The following SGCZ variants were observed in gnomAD, a reference collection of about 807,000 sequenced individuals.
The protein encoded by SGCZ is zeta-sarcoglycan.
In SGCZ, 40 loss-of-function variants were observed where a neutral mutation model predicts 41.3. That is an observed-to-expected ratio of 0.97 (90% CI 0.75 to 1.26). The LOEUF (loss-of-function observed/expected upper bound fraction) is 1.26, where lower values mean the gene tolerates loss of function less well. Ranked by LOEUF, SGCZ falls within the 50% of genes most tolerant of loss-of-function variation. The probability of loss-of-function intolerance (pLI) is 0.00; values close to 1 mark genes in which losing one functional copy is unlikely to be tolerated. For synonymous variants in SGCZ, 206 were observed against 137.5 expected (o/e 1.50, Z -3.49); for missense variants, 552 against 369.8 (o/e 1.49, Z -4.04).
At chr8:14,294,863 C>T (rs907161068) in intron 3 of SGCZ, among the ~76,000 whole-genome samples, 1 of 152,024 alleles carries the variant, frequency 6.6e-6, no homozygotes, top group Non-Finnish European at 1.5e-5. Flanking sequence ...TGCACTGCCA[C>T]TAAGTGCCCT....
rs1563486516 is a variant in SGCZ, at chr8:15,073,988, G to A, written c.39+163597C>T. On this transcript the variant is annotated intron_variant, in intron 1 of 7. Transcript: ENST00000382080. ...AGTTTCTAGTTTAACTTTAAAGCAAGGATGATAATAGTCCCTTCCCAAAAC... is the reference window on the plus strand; with the variant it reads ...AGTTTCTAGTTTAACTTTAAAGCAAAGATGATAATAGTCCCTTCCCAAAAC... Among the ~76,000 whole-genome samples, 5 of 152,264 alleles carry A rather than the reference G, an allele frequency of 3.3e-5. No homozygotes were observed. In the East Asian group the frequency reaches 5.8e-4, roughly 18 times the overall value.
chr8:14,641,873 G>C (rs1007301942), intron 1 of SGCZ, among the ~76,000 whole-genome samples: 1 of 151,660 alleles, frequency 6.6e-6, no homozygotes, highest in African/African-American at 2.4e-5. Context: ...ATTCTTTGCA[G>C]TGGTAGGTAA....
Position 14,847,126 on chromosome 8 carries a change from AAAGAAGAAGAAGAAGAAG to A in SGCZ, c.40-292218_40-292201del, listed in dbSNP as rs61002020. 8.4e-3 allele frequency among the ~76,000 whole-genome samples: 1,057 copies of A among 126,446 alleles called. 15 individuals carry two copies. The highest frequency in any genetic ancestry group is 0.025 in the African/African-American group (834 of 32,948). The allele number at this position is 126,446 out of a possible 152,430, so 83.0% of individuals were successfully genotyped here. On this transcript the variant is annotated intron_variant, in intron 1 of 7. Coordinates refer to ENST00000382080, the MANE Select transcript of SGCZ (RefSeq NM_139167.4). ...AGAAAGAAGAAAGAAGAAGAAGAAG[AAAGAAGAAGAAGAAGAAG>A]AAGAAGAAGAAGAAGAAGAAGAAGA...
At chr8:14,221,723 G>A (rs1427990199) in intron 4 of SGCZ, among the ~76,000 whole-genome samples, 2 of 152,120 alleles carry the variant, frequency 1.3e-5, no homozygotes, top group African/African-American at 4.8e-5. Flanking sequence ...ATCACCTGAG[G>A]TCAGGAGTTC....
At chr8:14,448,383 T>C (rs928544841) in intron 2 of SGCZ, among the ~76,000 whole-genome samples, 3 of 152,222 alleles carry the variant, frequency 2.0e-5, no homozygotes, top group Non-Finnish European at 2.9e-5. Flanking sequence ...GAGTAAACTG[T>C]TACAGTGGGC....
At chr8:14,668,677 AG>A (rs1807993063) in intron 1 of SGCZ, among the ~76,000 whole-genome samples, 1 of 152,224 alleles carries the variant, frequency 6.6e-6, no homozygotes, top group Non-Finnish European at 1.5e-5. Context: ...GGAAATATGA[AG>A]GTACTATACT....
At chr8:14,974,898 A>G (rs1801414960) in intron 1 of SGCZ, among the ~76,000 whole-genome samples, 2 of 151,132 alleles carry the variant, frequency 1.3e-5, no homozygotes, top group Admixed American at 1.3e-4. Context: ...ACAGCACATC[A>G]CTCTGCCTCC....
chr8:14,196,979 G>A (rs1027095883), intron 4 of SGCZ, among the ~76,000 whole-genome samples: 1 of 151,986 alleles, frequency 6.6e-6, no homozygotes, highest in African/African-American at 2.4e-5. Flanking sequence ...GACTGCAAAT[G>A]GACAATAAGT....
intron 1 of SGCZ, among the ~76,000 whole-genome samples, chr8:14,790,263 G>T (rs1224387110): frequency 6.6e-6 from 1 of 152,086 alleles, no homozygotes; most frequent in Non-Finnish European, 1.5e-5. Context: ...CCACTAAAAA[G>T]CATTGAACTT....
intron 2 of SGCZ, among the ~76,000 whole-genome samples, chr8:14,391,426 C>G (rs971806984): frequency 1.1e-4 from 16 of 152,040 alleles, no homozygotes; most frequent in African/African-American, 3.9e-4. Context: ...TACCTATATA[C>G]TAAGAGATTC....
At chr8:14,590,253 T>A (rs545981960) in intron 1 of SGCZ, among the ~76,000 whole-genome samples, 1 of 152,136 alleles carries the variant, frequency 6.6e-6, no homozygotes, top group South Asian at 2.1e-4. Context: ...GCAAAAATAA[T>A]ATGGTGTGGT....
At chr8:14,284,977 G>A (rs887850622) in intron 3 of SGCZ, among the ~76,000 whole-genome samples, 2 of 152,136 alleles carry the variant, frequency 1.3e-5, no homozygotes, top group African/African-American at 4.8e-5. Context: ...AAAAGTCTAT[G>A]AAAGGTGCCT....
At chr8:14,278,735 C>T (rs183734457) in intron 3 of SGCZ, among the ~76,000 whole-genome samples, 6 of 152,174 alleles carry the variant, frequency 3.9e-5, no homozygotes, top group Non-Finnish European at 8.8e-5. Context: ...ATACCAAACA[C>T]TTAGGTTAAT....
chr8:15,138,140 C>T (rs2116989624), intron 1 of SGCZ, among the ~76,000 whole-genome samples: 1 of 152,304 alleles, frequency 6.6e-6, no homozygotes, highest in East Asian at 1.9e-4. Flanking sequence ...TTAACGAATG[C>T]CTTACTGGAT....
intron 2 of SGCZ, among the ~76,000 whole-genome samples, chr8:14,449,218 A>G (rs1800520686): frequency 6.6e-6 from 1 of 152,180 alleles, no homozygotes; most frequent in Non-Finnish European, 1.5e-5. Context: ...GGCAAATTTC[A>G]TGTTATGCTA....
rs531014322 is a variant in SGCZ, at chr8:14,345,573, T to C, written c.235-21369A>G. Among the ~76,000 whole-genome samples, 25 of 152,216 alleles carry C rather than the reference T, an allele frequency of 1.6e-4. No homozygotes were observed. The East Asian group carries it at 4.2e-3, about 26-fold the overall frequency. The stretch of plus-strand genomic sequence containing the variant: ...AGAGGTCTCCCTAATCTCCATTGGG[T>C]TTAGAAGCTCTGTTTAATAACGTGA... On this transcript the variant is annotated intron_variant, in intron 2 of 7. Transcript: ENST00000382080.
At chr8:15,044,260 G>A (rs146679749) in intron 1 of SGCZ, among the ~76,000 whole-genome samples, 1 of 152,186 alleles carries the variant, frequency 6.6e-6, no homozygotes, top group African/African-American at 2.4e-5. Context: ...TGACAAGGGG[G>A]CACTGTTAAA....
At chr8:14,975,958 A>G (rs1474477365) in intron 1 of SGCZ, among the ~76,000 whole-genome samples, 2 of 146,456 alleles carry the variant, frequency 1.4e-5, no homozygotes, top group African/African-American at 5.0e-5. Flanking sequence ...CCATAAACAT[A>G]TATATGTGTG....
At chr8:14,924,605 G>C (rs1182102155) in intron 1 of SGCZ, among the ~76,000 whole-genome samples, 1 of 151,588 alleles carries the variant, frequency 6.6e-6, no homozygotes, top group Non-Finnish European at 1.5e-5. Context: ...TTTTTAACAT[G>C]GAAAAACTAG....
Sources: gnomAD v4.1 joint callset for allele counts (sites outside exome capture counted in the v4.1 genomes callset) on GRCh38, gnomAD v4.1.1 for gene constraint, MANE v1.5 for transcripts, NCBI Gene and HGNC (gene_info 2026-07-23, HGNC 2026-07-21) for gene names.